Variants in OGA observed in about 807,000 individuals in gnomAD.
OGA encodes protein O-GlcNAcase.
A neutral mutation model predicts 102.0 loss-of-function variants in OGA; 21 were observed. That is an observed-to-expected ratio of 0.21 (90% CI 0.15 to 0.30). OGA has a LOEUF of 0.30. Ranked by LOEUF, OGA falls within the 10% of genes least tolerant of loss-of-function variation. The pLI is 1.00. For synonymous variants in OGA, 408 were observed against 378.2 expected, an observed-to-expected ratio of 1.08 and a Z score of -0.91; for missense variants, 765 against 1,107.8, an observed-to-expected ratio of 0.69 and a Z score of 4.39.
chr10:101,818,085 C>T lies in OGA; in HGVS notation c.-63G>A, dbSNP rs2065666556. 4.8e-6 allele frequency: 7 copies of T among 1,463,846 alleles called. No individual in the cohort carries two copies. Among genetic ancestry groups the T allele is most frequent in the Admixed American group, 2.5e-5 (1 of 40,102 alleles). 90.7% of individuals were successfully genotyped at this position (1,463,846 alleles called of 1,614,324 possible). A position where few individuals can be genotyped will look rare whatever the true frequency, so the allele number is the denominator to read the frequency against. ...CCTCGACCTCTGTCCGTTGGGGCAC[C>T]GGCCCGGAGCCCTGGAGAGGGCTTC... is the stretch of plus-strand genomic sequence containing the variant. On this transcript the variant is annotated 5_prime_UTR_variant, in exon 1 of 16. Transcript: ENST00000361464.
intron 7 of OGA, 126 bp downstream of exon 7, chr10:101,803,609 A>G: frequency 9.4e-7 from 1 of 1,063,314 alleles, no homozygotes; most frequent in Admixed American, 2.9e-5. Context: ...AGTAAAACAA[A>G]ATACGTTTTT....
chr10:101,786,721 A>C lies in OGA; in HGVS notation c.2615-134T>G, dbSNP rs1292089969. On this transcript the variant is annotated intron_variant, in intron 15 of 15. Coordinates refer to ENST00000361464, the MANE Select transcript of OGA (RefSeq NM_012215.5). ...CTACACCAGCTCCTACATTTCACAC[A>C]ATTAAAAAAATTCATATTCAAAAAA... 3 of 745,896 alleles carry C rather than the reference A, an allele frequency of 4.0e-6. No individual in the cohort carries two copies. In the Admixed American group the frequency reaches 1.2e-4, roughly 30 times the overall value. 46.2% of individuals were successfully genotyped at this position (745,896 alleles called of 1,614,324 possible).
intron 11 of OGA, 124 bp from the exon 12 acceptor site, chr10:101,793,067 G>A: frequency 1.4e-6 from 1 of 694,248 alleles, no homozygotes; most frequent in Non-Finnish European, 2.5e-6. Context: ...AAAGAAGAGG[G>A]GTGTACTATG....
chr10:101,791,976 G>A (rs1326677176), intron 12 of OGA, among the ~76,000 whole-genome samples: 6 of 150,996 alleles, frequency 4.0e-5, no homozygotes, highest in South Asian at 2.1e-4. Context: ...ACAGGCACCC[G>A]CCACCACGCC....
At position 101,806,315 on chromosome 10, in the gene OGA, G is replaced by C. The variant is rs1002966785; in HGVS notation, c.653-172C>G. Among the ~76,000 whole-genome samples the C allele has an allele frequency of 5.9e-5, 9 of 152,308 alleles. 1 individual carries two copies. The Middle Eastern group carries it at 0.01, about 173-fold the overall frequency. ...CCTCCTGGGCTCAAGCAATTCTCCT[G>C]CCTCAGCCTCCCAAGCAGCTGGGAC... On this transcript the variant is annotated intron_variant, in intron 5 of 15. Coordinates refer to ENST00000361464, the MANE Select transcript of OGA (RefSeq NM_012215.5).
At chr10:101,793,657 C>T (rs749759225) in intron 11 of OGA, 10 of 328,652 alleles carry the variant, frequency 3.0e-5, no homozygotes, top group African/African-American at 6.4e-5. Context: ...TGCTGTGCGA[C>T]CTGCAAAGAA....
At chr10:101,813,483 G>A (rs1258045802) in intron 2 of OGA, 72 bp downstream of exon 2, 16 of 980,030 alleles carry the variant, frequency 1.6e-5, no homozygotes. Flanking sequence ...TTCACTGTTA[G>A]TATTTCTTCA....
chr10:101,786,385 G>T lies in OGA; in HGVS notation c.*66C>A. 6.9e-7 allele frequency: 1 copy of T among 1,453,880 alleles called. No homozygotes were observed. Among genetic ancestry groups the T allele is most frequent in the South Asian group, 1.6e-5 (1 of 63,776 alleles). 90.1% of individuals were successfully genotyped at this position (1,453,880 alleles called of 1,614,324 possible). A position where few individuals can be genotyped will look rare whatever the true frequency, so the allele number is the denominator to read the frequency against. ...CATTCTAGAGGCTGAACTGTATGAA[G>T]ACCTCAACTACCATTCACAAGGTGC... On this transcript the variant is annotated 3_prime_UTR_variant, in exon 16 of 16. Transcript: ENST00000361464.
chr10:101,790,637 T>TTA (rs1457911316), intron 14 of OGA, among the ~76,000 whole-genome samples: 2 of 152,174 alleles, frequency 1.3e-5, no homozygotes. Flanking sequence ...TTCTTTGTCT[T>TTA]TATTGTGTTT....
In OGA at chr10:101,792,838, C is replaced by T; in HGVS notation, c.2175+1G>A. The T allele has an allele frequency of 6.3e-7, 1 of 1,586,048 alleles. No individual in the cohort carries two copies. Among genetic ancestry groups the T allele is most frequent in the Admixed American group, 1.7e-5 (1 of 59,954 alleles). ...AAGTTGGTAGGTAGAGAGACAATTA[C>T]CTCATCCTTAGGAAAATAAGGTCTG... On this transcript the variant is annotated splice_donor_variant, in intron 12 of 15. Transcript: ENST00000361464. LOFTEE classifies it high-confidence loss of function.
intron 12 of OGA, among the ~76,000 whole-genome samples, chr10:101,791,815 C>T (rs1229882109): frequency 6.6e-6 from 1 of 151,632 alleles, no homozygotes; most frequent in Non-Finnish European, 1.5e-5. Context: ...TACAGGCATA[C>T]GCCACCATAC....
chr10:101,797,777 G>A, intron 10 of OGA: 3 of 609,624 alleles, frequency 4.9e-6, no homozygotes, highest in Non-Finnish European at 8.6e-6. Flanking sequence ...TTAGCCCAAG[G>A]GAGAAAAATT....
At chr10:101,795,956 A>C in intron 10 of OGA, 1 of 945,836 alleles carries the variant, frequency 1.1e-6, no homozygotes, top group Middle Eastern at 5.4e-4. Flanking sequence ...ATAAATGCTC[A>C]GTGCAGAGAT....
chr10:101,806,059 T>G lies in OGA; in HGVS notation c.737A>C (p.Glu246Ala). Residue 246 changes from glutamate to alanine, a missense_variant, in exon 6 of 16, where the codon GAA becomes GCA. Around this residue, in one of 7 missense-constraint regions of OGA, gnomAD observed 165 missense variants for 249.7 expected, o/e 0.66. Transcript: ENST00000361464. Reference sequence around the variant, plus strand: ...AAAAGACTTACCTGTCCAAAGCACTTCAATTCCAGGTAGAAGCTTTTCACC... The same window carrying G: ...AAAAGACTTACCTGTCCAAAGCACTGCAATTCCAGGTAGAAGCTTTTCACC... ...TVGEKLLPGI[E>A]VLWTGPKVVS... 1 of 1,605,870 alleles carries G rather than the reference T, an allele frequency of 6.2e-7. No individual in the cohort carries two copies. Among genetic ancestry groups the G allele is most frequent in the East Asian group, 2.2e-5 (1 of 44,852 alleles).
intron 11 of OGA, among the ~76,000 whole-genome samples, chr10:101,793,155 T>G (rs2065278068): frequency 6.6e-6 from 1 of 152,184 alleles, no homozygotes; most frequent in African/African-American, 2.4e-5. Flanking sequence ...AGTTACAGCT[T>G]TAGTGGCATA....
Position 101,792,897 on chromosome 10 carries a change from G to A in OGA, c.2117C>T (p.Pro706Leu). The change falls in exon 12 of 16, where the codon CCT becomes CTT. Residue 706 changes from proline (P) to leucine (L), a missense_variant. By Grantham distance (98) the Pro-to-Leu change is moderately conservative. Transcript: ENST00000361464. Reference protein sequence around the residue: ...DGANDLFFQPPPLTPTSKVYT... With the variant: ...DGANDLFFQPLPLTPTSKVYT... ...AACTTTGGAGGTAGGAGTCAGTGGA[G>A]GTGGCTGAAAAAAGAGATCATTTGC... 1.2e-6 allele frequency: 2 copies of A among 1,613,882 alleles called. No individual in the cohort carries two copies. Among genetic ancestry groups the A allele is most frequent in the Non-Finnish European group, 1.7e-6 (2 of 1,179,788 alleles).
At chr10:101,810,987 G>A (rs1210730358) in intron 3 of OGA, among the ~76,000 whole-genome samples, 1 of 151,938 alleles carries the variant, frequency 6.6e-6, no homozygotes, top group African/African-American at 2.4e-5. Context: ...CATGGTACTG[G>A]ATCTTGCTTT....
rs1039166501 is a variant in OGA at position 101,818,273 on chromosome 10, C to G, written c.-251G>C. Reference sequence around the variant, plus strand: ...TAAGCTGGGGCGCCAGAAGCCTAAGCGGAGAGCGAGGCTGTGACCTCTCGT... The same window carrying G: ...TAAGCTGGGGCGCCAGAAGCCTAAGGGGAGAGCGAGGCTGTGACCTCTCGT... On this transcript the variant is annotated 5_prime_UTR_variant, in exon 1 of 16. Coordinates refer to ENST00000361464, the MANE Select transcript of OGA (RefSeq NM_012215.5). 2 of 1,288,778 alleles carry G rather than the reference C, an allele frequency of 1.6e-6. No individual in the cohort carries two copies. Among genetic ancestry groups the G allele is most frequent in the Non-Finnish European group, 2.0e-6 (2 of 1,017,506 alleles). 79.8% of individuals were successfully genotyped at this position (1,288,778 alleles called of 1,614,324 possible).
intron 7 of OGA, among the ~76,000 whole-genome samples, chr10:101,800,771 CTTTTTTTTTTT>C (rs771355527): frequency 3.4e-5 from 4 of 117,656 alleles, no homozygotes; most frequent in East Asian, 2.5e-4. Context: ...CTTGTAACTT[CTTTTTTTTTTT>C]TTTTTTTTTT....
Sources: gnomAD v4.1 joint callset for allele counts (sites outside exome capture counted in the v4.1 genomes callset) on GRCh38, gnomAD v4.1.1 for gene constraint, gnomAD v4.1.1 regional missense constraint, MANE v1.5 for transcripts, NCBI Gene and HGNC (gene_info 2026-07-23, HGNC 2026-07-21) for gene names.